The following CSRNP3 variants were observed in gnomAD, a reference collection of about 807,000 sequenced individuals.
The protein encoded by CSRNP3 is cysteine/serine-rich nuclear protein 3.
Under a neutral mutation model 48.0 loss-of-function variants are expected in CSRNP3, and 12 were observed. The observed-to-expected ratio is 0.25, with a 90% confidence interval of 0.16 to 0.41. The LOEUF is 0.41. CSRNP3 is among the 10% of genes least tolerant of loss of function. The pLI is 1.00. For missense variants in CSRNP3, 580 were observed against 724.4 expected, an observed-to-expected ratio of 0.80 and a Z score of 2.29; for synonymous variants, 263 against 269.7, an observed-to-expected ratio of 0.98 and a Z score of 0.24.
rs571259010 is a variant in CSRNP3, at chr2:165,633,384, G to A, written c.149-24377G>A. Among the ~76,000 whole-genome samples, 83 of 152,254 alleles carry A rather than the reference G, an allele frequency of 5.5e-4. 1 individual carries two copies. The highest frequency in any genetic ancestry group is 1.9e-3 in the African/African-American group (78 of 41,558). Reference sequence around the variant, plus strand: ...TTGTGAAGCCTCGAATTCTGGCATCGATAATATTTTGATTTTGTTATTTTT... The same window carrying A: ...TTGTGAAGCCTCGAATTCTGGCATCAATAATATTTTGATTTTGTTATTTTT... On this transcript the variant is annotated intron_variant, in intron 4 of 6. Transcript: ENST00000651982.
chr2:165,500,418 T>TACAC (rs1684342008), intron 2 of CSRNP3, among the ~76,000 whole-genome samples: 2 of 119,994 alleles, frequency 1.7e-5, no homozygotes, highest in African/African-American at 7.2e-5. Context: ...TACATATATA[T>TACAC]ATACACACAC....
chr2:165,593,542 C>T (rs1056372790), intron 3 of CSRNP3, among the ~76,000 whole-genome samples: 2 of 152,144 alleles, frequency 1.3e-5, no homozygotes, highest in Non-Finnish European at 2.9e-5. Flanking sequence ...TGACTTAGAC[C>T]TTCCTTGGAG....
At chr2:165,507,095 C>T (rs1203223862) in intron 2 of CSRNP3, among the ~76,000 whole-genome samples, 3 of 151,930 alleles carry the variant, frequency 2.0e-5, no homozygotes, top group African/African-American at 7.3e-5. Flanking sequence ...TTACTCATAG[C>T]CAATTGCTTA....
chr2:165,521,970 A>C (rs746879846), intron 3 of CSRNP3, among the ~76,000 whole-genome samples: 7 of 151,898 alleles, frequency 4.6e-5, no homozygotes, highest in Non-Finnish European at 1.0e-4. Flanking sequence ...CCTCCTTAGC[A>C]CCTCCAGCAT....
chr2:165,565,758 A>G (rs1311933112), intron 3 of CSRNP3, among the ~76,000 whole-genome samples: 1 of 152,028 alleles, frequency 6.6e-6, no homozygotes, highest in Non-Finnish European at 1.5e-5. Flanking sequence ...TATTTCTTGT[A>G]TTTATTCATG....
At chr2:165,537,356 A>G (rs565579012) in intron 3 of CSRNP3, among the ~76,000 whole-genome samples, 2 of 150,396 alleles carry the variant, frequency 1.3e-5, no homozygotes, top group East Asian at 3.9e-4. Context: ...AGAGTGAACC[A>G]CAGGGGACCT....
intron 3 of CSRNP3, among the ~76,000 whole-genome samples, chr2:165,577,583 T>C (rs563703564): frequency 6.6e-6 from 1 of 151,894 alleles, no homozygotes; most frequent in South Asian, 2.1e-4. Context: ...CATGACATAA[T>C]AATTATTAGT....
intron 4 of CSRNP3, among the ~76,000 whole-genome samples, chr2:165,630,459 C>T (rs376729739): frequency 1.3e-5 from 2 of 152,020 alleles, no homozygotes; most frequent in East Asian, 3.9e-4. Context: ...ATATGTTTTC[C>T]TGTTTGCCAT....
intron 3 of CSRNP3, chr2:165,566,832 A>G (rs1422155498): frequency 6.6e-6 from 1 of 151,958 alleles, no homozygotes; most frequent in Non-Finnish European, 1.5e-5. Context: ...AGAACAATGA[A>G]CTTGGTTCCA....
chr2:165,566,701 T>A (rs926455092), intron 3 of CSRNP3: 2 of 151,930 alleles, frequency 1.3e-5, no homozygotes, highest in African/African-American at 4.8e-5. Flanking sequence ...CCAGGCTGTA[T>A]ATTCTTATAT....
At chr2:165,608,661 TTAAAA>T (rs1324222001) in intron 4 of CSRNP3, among the ~76,000 whole-genome samples, 1 of 152,134 alleles carries the variant, frequency 6.6e-6, no homozygotes, top group Non-Finnish European at 1.5e-5. Context: ...TTTTACTGTC[TTAAAA>T]TATCTTCTAC....
At chr2:165,599,281 GAGAGAAAGAAAGAA>G (rs1685863630) in intron 4 of CSRNP3, among the ~76,000 whole-genome samples, 3 of 77,530 alleles carry the variant, frequency 3.9e-5, no homozygotes, top group Non-Finnish European at 6.2e-5. Flanking sequence ...GAAAGAGAGA[GAGAGAAAGAAAGAA>G]AGAAAGAAAG....
chr2:165,512,965 C>T (rs1400874687), intron 2 of CSRNP3, among the ~76,000 whole-genome samples: 3 of 152,160 alleles, frequency 2.0e-5, no homozygotes, highest in South Asian at 2.1e-4. Context: ...ATTAGCCGGG[C>T]GTGGTGGCAC....
At chr2:165,544,311 A>G (rs966515142) in intron 3 of CSRNP3, among the ~76,000 whole-genome samples, 1 of 152,164 alleles carries the variant, frequency 6.6e-6, no homozygotes, top group East Asian at 1.9e-4. Context: ...ACAGCACAGC[A>G]ATGAGGCCAT....
At chr2:165,560,384 A>G (rs562546060) in intron 3 of CSRNP3, among the ~76,000 whole-genome samples, 1 of 152,322 alleles carries the variant, frequency 6.6e-6, no homozygotes, top group African/African-American at 2.4e-5. Flanking sequence ...AAGAGAATTG[A>G]TTAGTTACTA....
chr2:165,470,023 A>C (rs983233598), intron 1 of CSRNP3, among the ~76,000 whole-genome samples: 2 of 152,134 alleles, frequency 1.3e-5, no homozygotes, highest in Admixed American at 1.3e-4. Context: ...AAATTAATAG[A>C]TAAAATGAAT....
chr2:165,540,719 C>G (rs1389755786), intron 3 of CSRNP3, among the ~76,000 whole-genome samples: 1 of 151,958 alleles, frequency 6.6e-6, no homozygotes, highest in Non-Finnish European at 1.5e-5. Flanking sequence ...TGGTTACATT[C>G]TGAATTACCA....
At chr2:165,626,048 C>T (rs987210520) in intron 4 of CSRNP3, among the ~76,000 whole-genome samples, 6 of 151,750 alleles carry the variant, frequency 4.0e-5, no homozygotes, top group Middle Eastern at 3.4e-3. Context: ...CCTGGTGAAA[C>T]CCTGTCTCTC....
rs1047770628 is a variant in CSRNP3 at position 165,682,696 on chromosome 2, C to T, written c.*2943C>T. On this transcript the variant is annotated 3_prime_UTR_variant, in exon 7 of 7. Coordinates refer to ENST00000651982, the MANE Select transcript of CSRNP3 (RefSeq NM_001172173.2). ...TTCCCAGAAAAGCTGAGAGAGCACA[C>T]TGTTCCAGCTGACTTTTTTTTCCAT... The T allele has an allele frequency of 1.3e-5, 2 of 152,120 alleles. No homozygotes were observed. The highest frequency in any genetic ancestry group is 4.8e-5 in the African/African-American group (2 of 41,446). 9.4% of individuals were successfully genotyped at this position (152,120 alleles called of 1,614,324 possible).
Sources: gnomAD v4.1 joint callset for allele counts (sites outside exome capture counted in the v4.1 genomes callset) on GRCh38, gnomAD v4.1.1 for gene constraint, MANE v1.5 for transcripts, NCBI Gene and HGNC (gene_info 2026-07-23, HGNC 2026-07-21) for gene names.